Variants in MARCHF1 observed in about 807,000 individuals in gnomAD.
MARCHF1 encodes membrane associated ring-CH-type finger 1.
MARCHF1 carries 40 observed loss-of-function variants against 54.2 expected under a neutral mutation model. The observed-to-expected ratio is 0.74, with a 90% CI of 0.57 to 0.96. The LOEUF is 0.96. MARCHF1 is among the 40% of genes least tolerant of loss of function. The probability of loss-of-function intolerance (pLI) is 0.00; values close to 1 mark genes in which losing one functional copy is unlikely to be tolerated. For missense variants in MARCHF1, 586 were observed against 656.5 expected, an observed-to-expected ratio of 0.89 and a Z score of 1.17; for synonymous variants, 236 against 236.3, an observed-to-expected ratio of 1.00 and a Z score of 0.01.
At chr4:164,119,633 A>G (rs1430011409) in intron 1 of MARCHF1, among the ~76,000 whole-genome samples, 2 of 150,844 alleles carry the variant, frequency 1.3e-5, no homozygotes, top group Admixed American at 1.3e-4. Context: ...TCAAAATGAC[A>G]CCAACTGAGA....
At chr4:164,328,676 T>C (rs1004164088) in intron 1 of MARCHF1, among the ~76,000 whole-genome samples, 2 of 152,000 alleles carry the variant, frequency 1.3e-5, no homozygotes, top group South Asian at 2.1e-4. Flanking sequence ...ACTACAGGCA[T>C]GCACCAGCAC....
chr4:163,833,429 C>A (rs920684810), intron 4 of MARCHF1, among the ~76,000 whole-genome samples: 1 of 152,042 alleles, frequency 6.6e-6, no homozygotes, highest in Non-Finnish European at 1.5e-5. Context: ...AGTGAACAGG[C>A]AACCTACAGA....
chr4:164,351,702 G>T (rs200862530), intron 1 of MARCHF1, among the ~76,000 whole-genome samples: 1 of 151,860 alleles, frequency 6.6e-6, no homozygotes. Flanking sequence ...AAAGCAGAGC[G>T]CCTCTCCGCC....
intron 1 of MARCHF1, among the ~76,000 whole-genome samples, chr4:164,356,780 C>CA (rs58855405): frequency 0.042 from 4,355 of 103,134 alleles, 246 homozygotes; most frequent in South Asian, 0.094. Flanking sequence ...AAAAGAAAAG[C>CA]AAAAAAAAAA....
intron 1 of MARCHF1, among the ~76,000 whole-genome samples, chr4:164,299,331 A>G (rs1734491893): frequency 6.6e-6 from 1 of 152,140 alleles, no homozygotes; most frequent in Admixed American, 6.6e-5. Flanking sequence ...CCCTAGCACT[A>G]AAAGTCCTGA....
chr4:164,110,255 AT>A (rs1320928067), intron 2 of MARCHF1, among the ~76,000 whole-genome samples: 2 of 151,840 alleles, frequency 1.3e-5, no homozygotes, highest in African/African-American at 4.8e-5. Context: ...TTGGGGAAAA[AT>A]AATCATGTAA....
intron 2 of MARCHF1, among the ~76,000 whole-genome samples, chr4:163,999,254 T>C (rs1050703886): frequency 1.3e-5 from 2 of 151,380 alleles, no homozygotes; most frequent in African/African-American, 4.8e-5. Context: ...CGACAAAAAA[T>C]GAAAATAATG....
chr4:164,137,491 A>G (rs1334831099), intron 1 of MARCHF1, among the ~76,000 whole-genome samples: 1 of 152,202 alleles, frequency 6.6e-6, no homozygotes, highest in Non-Finnish European at 1.5e-5. Flanking sequence ...AGGAAAATTC[A>G]GCTATCAACC....
chr4:164,350,742 T>C (rs1579743616), intron 1 of MARCHF1, among the ~76,000 whole-genome samples: 2 of 152,078 alleles, frequency 1.3e-5, no homozygotes, highest in Admixed American at 6.5e-5. Context: ...AGTTCAATAG[T>C]ATTGTTGGGA....
At chr4:164,307,883 T>C (rs1055641820) in intron 1 of MARCHF1, among the ~76,000 whole-genome samples, 1 of 152,198 alleles carries the variant, frequency 6.6e-6, no homozygotes, top group Non-Finnish European at 1.5e-5. Context: ...TCCAGAAGAA[T>C]AATGAGCTTA....
At chr4:163,772,190 A>G (rs1747182037) in intron 4 of MARCHF1, among the ~76,000 whole-genome samples, 1 of 152,152 alleles carries the variant, frequency 6.6e-6, no homozygotes, top group African/African-American at 2.4e-5. Context: ...TTCCTATAAG[A>G]AGTGGTGGTG....
chr4:163,776,150 C>A (rs1354483352), intron 4 of MARCHF1, among the ~76,000 whole-genome samples: 1 of 152,054 alleles, frequency 6.6e-6, no homozygotes, highest in East Asian at 1.9e-4. Flanking sequence ...CTTTAAATCA[C>A]TACAAATACC....
intron 4 of MARCHF1, among the ~76,000 whole-genome samples, chr4:163,842,421 G>C (rs1403279262): frequency 6.6e-6 from 1 of 151,454 alleles, no homozygotes; most frequent in Non-Finnish European, 1.5e-5. Context: ...GTTTAGTAAT[G>C]GTTAGTTAAA....
intron 1 of MARCHF1, among the ~76,000 whole-genome samples, chr4:164,149,983 T>C (rs1392319048): frequency 6.6e-6 from 1 of 152,178 alleles, no homozygotes; most frequent in Non-Finnish European, 1.5e-5. Flanking sequence ...TGTTACTCAA[T>C]AGGATAAATT....
intron 1 of MARCHF1, among the ~76,000 whole-genome samples, chr4:164,278,723 A>G (rs1733947705): frequency 6.6e-6 from 1 of 152,206 alleles, no homozygotes; most frequent in South Asian, 2.1e-4. Flanking sequence ...ATATTGTGAC[A>G]TATATGATAG....
At position 163,729,722 on chromosome 4, in the gene MARCHF1, T is replaced by C. The variant is rs184679813; in HGVS notation, c.112-28859A>G. Among the ~76,000 whole-genome samples, 11 of 152,234 alleles carry C rather than the reference T, an allele frequency of 7.2e-5. No individual in the cohort carries two copies. The East Asian group carries it at 2.1e-3, about 29-fold the overall frequency. ...TGATGTCCCCTCTTTCATCTGATAT[T>C]AGTACTTTTTGTCTTCTCTCAGACA... On this transcript the variant is annotated intron_variant, in intron 4 of 9. Transcript: ENST00000514618.
chr4:164,131,740 G>A (rs1191590012), intron 1 of MARCHF1, among the ~76,000 whole-genome samples: 1 of 151,988 alleles, frequency 6.6e-6, no homozygotes, highest in Non-Finnish European at 1.5e-5. Context: ...GTAACTTATG[G>A]ATATACTATG....
At chr4:163,662,942 A>G (rs114681288) in intron 5 of MARCHF1, among the ~76,000 whole-genome samples, 4,951 of 151,704 alleles carry the variant, frequency 0.033, 119 homozygotes, top group South Asian at 0.066. Context: ...CCTTCTTCAG[A>G]GAGATTGTGT....
At chr4:163,784,627 G>A (rs765827418) in intron 4 of MARCHF1, among the ~76,000 whole-genome samples, 2 of 152,014 alleles carry the variant, frequency 1.3e-5, no homozygotes, top group Non-Finnish European at 2.9e-5. Context: ...CTATGCCATT[G>A]ACATATATAA....
Sources: gnomAD v4.1 joint callset for allele counts (sites outside exome capture counted in the v4.1 genomes callset) on GRCh38, gnomAD v4.1.1 for gene constraint, MANE v1.5 for transcripts, NCBI Gene and HGNC (gene_info 2026-07-23, HGNC 2026-07-21) for gene names.